GPR158: variants seen among roughly 807,000 people sequenced by gnomAD.
The protein encoded by GPR158 is metabotropic glycine receptor.
GPR158 carries 30 observed loss-of-function variants against 78.2 expected under a neutral mutation model. The ratio of observed to expected loss-of-function variants is 0.38; its 90% CI spans 0.29 to 0.52. GPR158 has a LOEUF of 0.52. Ranked by LOEUF, GPR158 falls within the 20% of genes least tolerant of loss-of-function variation. The pLI is 0.83. For synonymous variants in GPR158, 581 were observed against 591.1 expected (o/e 0.98, Z 0.25); for missense variants, 1,463 against 1,523.5 (o/e 0.96, Z 0.66).
intron 2 of GPR158, among the ~76,000 whole-genome samples, chr10:25,241,193 T>C (rs868540419): frequency 2.7e-3 from 271 of 101,540 alleles, no homozygotes; most frequent in African/African-American, 0.01. Context: ...TTCTTTCCTT[T>C]CTTTCTTTCC....
chr10:25,317,175 A>G (rs1229828940), intron 2 of GPR158, among the ~76,000 whole-genome samples: 13 of 151,312 alleles, frequency 8.6e-5, no homozygotes, highest in Non-Finnish European at 8.8e-5. Context: ...CTCCTGAGTA[A>G]TTGGGATTAC....
intron 2 of GPR158, among the ~76,000 whole-genome samples, chr10:25,356,874 G>A (rs571431772): frequency 6.6e-6 from 1 of 152,192 alleles, no homozygotes; most frequent in South Asian, 2.1e-4. Context: ...TGGGTAACAG[G>A]CAGAGTTTGG....
At chr10:25,338,487 T>TA (rs1564426266) in intron 2 of GPR158, among the ~76,000 whole-genome samples, 29 of 132,298 alleles carry the variant, frequency 2.2e-4, no homozygotes, top group African/African-American at 8.6e-4. Context: ...ATAATATACG[T>TA]ATAATATACG....
chr10:25,588,003 G>C (rs999010782), intron 7 of GPR158, among the ~76,000 whole-genome samples: 1 of 152,080 alleles, frequency 6.6e-6, no homozygotes, highest in Admixed American at 6.6e-5. Flanking sequence ...TTCCAGAAAG[G>C]TCATGCCACT....
intron 2 of GPR158, among the ~76,000 whole-genome samples, chr10:25,237,507 A>G (rs928078370): frequency 1.3e-5 from 2 of 152,228 alleles, no homozygotes; most frequent in Non-Finnish European, 2.9e-5. Context: ...ATATGCCATA[A>G]TGACTCAGTT....
intron 4 of GPR158, among the ~76,000 whole-genome samples, chr10:25,444,928 A>G (rs1392532407): frequency 6.6e-6 from 1 of 152,160 alleles, no homozygotes; most frequent in East Asian, 1.9e-4. Context: ...AACTTCTCTG[A>G]TCTATACAGG....
At chr10:25,409,118 A>G (rs1834554258) in intron 3 of GPR158, among the ~76,000 whole-genome samples, 1 of 152,208 alleles carries the variant, frequency 6.6e-6, no homozygotes, top group African/African-American at 2.4e-5. Flanking sequence ...GCTCCATTAT[A>G]CAGCCTTGTG....
intron 1 of GPR158, among the ~76,000 whole-genome samples, chr10:25,212,649 T>TTTTTTTTTTTTTA (rs1853149037): frequency 6.8e-6 from 1 of 146,716 alleles, no homozygotes; most frequent in African/African-American, 2.5e-5. Flanking sequence ...TTTTTTTTTT[T>TTTTTTTTTTTTTA]GAGATGAGTC....
At chr10:25,433,514 G>A (rs1336730427) in intron 4 of GPR158, among the ~76,000 whole-genome samples, 2 of 147,246 alleles carry the variant, frequency 1.4e-5, no homozygotes, top group African/African-American at 5.1e-5. Flanking sequence ...GAGCAAAAAG[G>A]AAATGGTTTA....
At chr10:25,546,849 G>A (rs1025451804) in intron 5 of GPR158, among the ~76,000 whole-genome samples, 3 of 152,172 alleles carry the variant, frequency 2.0e-5, no homozygotes, top group Admixed American at 2.0e-4. Flanking sequence ...AGAAAGCCAG[G>A]TACAAGTGAG....
intron 2 of GPR158, among the ~76,000 whole-genome samples, chr10:25,356,116 A>G (rs1250542843): frequency 6.6e-6 from 1 of 152,062 alleles, no homozygotes; most frequent in East Asian, 1.9e-4. Flanking sequence ...TTTCCAGTGT[A>G]GAAACTACAA....
At chr10:25,539,392 C>T (rs1293858415) in intron 5 of GPR158, among the ~76,000 whole-genome samples, 2 of 152,012 alleles carry the variant, frequency 1.3e-5, no homozygotes, top group African/African-American at 4.8e-5. Context: ...GAGAATGAGG[C>T]CTGTGGTGTT....
intron 5 of GPR158, among the ~76,000 whole-genome samples, chr10:25,515,519 C>T (rs1187958469): frequency 8.9e-6 from 1 of 111,936 alleles, no homozygotes; most frequent in Admixed American, 1.0e-4. Context: ...TCCCTCCCCC[C>T]TCCCCCCACC....
chr10:25,405,249 G>A (rs1218142658), intron 3 of GPR158, among the ~76,000 whole-genome samples: 2 of 149,686 alleles, frequency 1.3e-5, no homozygotes, highest in African/African-American at 5.0e-5. Context: ...ACATTTTCTA[G>A]TAAGAGAAGG....
chr10:25,175,255 C>T lies in GPR158; in HGVS notation c.-166C>T, dbSNP rs1458696322. ...TTTCTGCGACGGTAGCTTAGCCACCCGGGGCCAATCTCGAAACATTCTTAT... is the reference window on the plus strand; with the variant it reads ...TTTCTGCGACGGTAGCTTAGCCACCTGGGGCCAATCTCGAAACATTCTTAT... On this transcript the variant is annotated 5_prime_UTR_variant, in exon 1 of 11. Coordinates refer to ENST00000376351, the MANE Select transcript of GPR158 (RefSeq NM_020752.3). The surrounding 1 kb of genome is among the most constrained non-coding windows in gnomAD (Gnocchi z 6.4). 2 of 546,544 alleles carry T rather than the reference C, an allele frequency of 3.7e-6. No homozygotes were observed. Among genetic ancestry groups the T allele is most frequent in the African/African-American group, 1.9e-5 (1 of 52,464 alleles). 33.9% of individuals were successfully genotyped at this position (546,544 alleles called of 1,614,324 possible). A position where few individuals can be genotyped will look rare whatever the true frequency, so the allele number is the denominator to read the frequency against.
intron 2 of GPR158, chr10:25,244,933 T>G (rs192048379): frequency 1.3e-5 from 2 of 152,246 alleles, no homozygotes; most frequent in Non-Finnish European, 2.9e-5. Context: ...AGGTGCATGT[T>G]TCTTTTGGCA....
chr10:25,304,893 G>T (rs1386754274), intron 2 of GPR158, among the ~76,000 whole-genome samples: 1 of 152,158 alleles, frequency 6.6e-6, no homozygotes, highest in Non-Finnish European at 1.5e-5. Flanking sequence ...TTCTTGCATA[G>T]CCTCTTTAGC....
chr10:25,523,944 CA>C (rs531372255), intron 5 of GPR158, among the ~76,000 whole-genome samples: 3 of 150,832 alleles, frequency 2.0e-5, no homozygotes, highest in South Asian at 2.1e-4. Flanking sequence ...AAGGAATGCA[CA>C]AAAAAAAGAT....
chr10:25,571,721 G>T (rs1837011675), intron 6 of GPR158, among the ~76,000 whole-genome samples: 1 of 152,014 alleles, frequency 6.6e-6, no homozygotes. Flanking sequence ...TATAGTAAGG[G>T]TGCATTTTGT....
Sources: allele counts gnomAD v4.1 joint callset (sites outside exome capture counted in the v4.1 genomes callset), GRCh38; gene constraint gnomAD v4.1.1; non-coding constraint Gnocchi (gnomAD v3.1); transcripts MANE v1.5; gene names NCBI Gene and HGNC (gene_info 2026-07-23, HGNC 2026-07-21).